The following PHF21A variants were observed in gnomAD, a reference collection of about 807,000 sequenced individuals.
PHF21A encodes BHC80a.
PHF21A carries 11 observed loss-of-function variants against 82.5 expected under a neutral mutation model. That is an observed-to-expected ratio of 0.13 (90% CI 0.08 to 0.22). The LOEUF is 0.22. Ranked by LOEUF, PHF21A falls within the 10% of genes least tolerant of loss-of-function variation. PHF21A has a pLI of 1.00. For synonymous variants in PHF21A, 297 were observed against 302.8 expected, an observed-to-expected ratio of 0.98 and a Z score of 0.20; for missense variants, 579 against 837.8, an observed-to-expected ratio of 0.69 and a Z score of 3.81.
chr11:46,003,182 T>C lies in PHF21A; in HGVS notation c.154-23216A>G, dbSNP rs111402985. On this transcript the variant is annotated intron_variant, in intron 6 of 18. Transcript: ENST00000676320. ...TTTAAAGCTCAGATTATTTCTTGCT[T>C]TGAAAAGAAAATCTGTATATGAGAG... is the stretch of plus-strand genomic sequence containing the variant. Among the ~76,000 whole-genome samples, 62 of 152,074 alleles carry C rather than the reference T, an allele frequency of 4.1e-4. 1 individual carries two copies. The highest frequency in any genetic ancestry group is 5.9e-5 in the Non-Finnish European group (4 of 68,006).
chr11:46,056,919 T>C (rs1287712806), intron 6 of PHF21A, among the ~76,000 whole-genome samples: 1 of 152,132 alleles, frequency 6.6e-6, no homozygotes, highest in Non-Finnish European at 1.5e-5. Flanking sequence ...AGGTACTTTT[T>C]GCTTATCTAT....
intron 13 of PHF21A, 30 bp from the exon 14 acceptor site, chr11:45,948,976 G>C: frequency 1.3e-6 from 2 of 1,571,070 alleles, no homozygotes; most frequent in Non-Finnish European, 1.8e-6. Flanking sequence ...AAAGGTGACT[G>C]TTGAGTAGTG....
chr11:46,039,892 T>G (rs1320982261), intron 6 of PHF21A, among the ~76,000 whole-genome samples: 1 of 152,248 alleles, frequency 6.6e-6, no homozygotes, highest in Non-Finnish European at 1.5e-5. Context: ...TCAATCTGTT[T>G]AGCTTTCTGC....
rs1025557479 is a variant in PHF21A at position 45,929,863 on chromosome 11, T to A, written c.*4105A>T. The A allele has an allele frequency of 6.6e-6, 1 of 152,298 alleles. No homozygotes were observed. The highest frequency in any genetic ancestry group is 1.5e-5 in the Non-Finnish European group (1 of 68,142). The allele number at this position is 152,298 out of a possible 1,614,324, so 9.4% of individuals were successfully genotyped here. On this transcript the variant is annotated 3_prime_UTR_variant, in exon 19 of 19. Transcript: ENST00000676320. ...ACTCCTGTCTTGGAGAGGAGCTGAC[T>A]CAGAGGACAGTCTAAGTCAGGGTGA...
chr11:45,977,193 G>A (rs975943218), intron 7 of PHF21A, among the ~76,000 whole-genome samples: 1 of 147,972 alleles, frequency 6.8e-6, no homozygotes, highest in Non-Finnish European at 1.5e-5. Context: ...AGCATGGAGT[G>A]CAGTACGATC....
Position 45,938,279 on chromosome 11 carries a change from T to C in PHF21A, c.1486A>G (p.Arg496Gly). The part of the protein sequence containing the change: ...DIHEDFCSVC[R>G]KSGQLLMCDT... The stretch of plus-strand genomic sequence containing the variant: ...CACATCAGTAACTGGCCACTTTTTC[T>C]GCAAACGCTGCAAAAATCCTCATGA... The change falls in exon 16 of 19, where the codon AGA (arginine) becomes GGA (glycine). Residue 496 changes from arginine to glycine, a missense_variant. Physicochemically the swap from Arg to Gly is moderately radical, Grantham distance 125. Transcript: ENST00000676320. 1.9e-6 allele frequency: 3 copies of C among 1,611,492 alleles called. No homozygotes were observed. Among genetic ancestry groups the C allele is most frequent in the Non-Finnish European group, 1.7e-6 (2 of 1,178,934 alleles).
chr11:46,101,946 C>T (rs11038765), intron 1 of PHF21A, among the ~76,000 whole-genome samples: 32,204 of 151,630 alleles, frequency 0.21, 3,826 homozygotes, highest in Non-Finnish European at 0.27. Flanking sequence ...CAACCTCTGA[C>T]TCCTGTGTTC....
At chr11:46,038,647 GA>G (rs1281530196) in intron 6 of PHF21A, among the ~76,000 whole-genome samples, 1 of 152,176 alleles carries the variant, frequency 6.6e-6, no homozygotes, top group Non-Finnish European at 1.5e-5. Context: ...CATATCTGGT[GA>G]GAGCTTTTTT....
chr11:46,036,965 C>A (rs1303714285), intron 6 of PHF21A, among the ~76,000 whole-genome samples: 1 of 152,192 alleles, frequency 6.6e-6, no homozygotes, highest in Non-Finnish European at 1.5e-5. Flanking sequence ...CTCACCTCAG[C>A]TTCCCAAAGT....
chr11:46,073,327 C>CAA (rs748320509), intron 6 of PHF21A, among the ~76,000 whole-genome samples: 6 of 84,174 alleles, frequency 7.1e-5, no homozygotes, highest in Non-Finnish European at 1.3e-4. Context: ...GACCCCGTCT[C>CAA]AAAAAAAAAA....
At chr11:46,106,747 TA>T (rs1449562605) in intron 1 of PHF21A, among the ~76,000 whole-genome samples, 1 of 152,212 alleles carries the variant, frequency 6.6e-6, no homozygotes, top group Non-Finnish European at 1.5e-5. Flanking sequence ...CTGCGTTCTA[TA>T]AACTGCCTAA....
intron 6 of PHF21A, chr11:46,026,710 T>C (rs1419249471): frequency 6.6e-6 from 1 of 152,116 alleles, no homozygotes; most frequent in Non-Finnish European, 1.5e-5. Context: ...AAATCCGTAA[T>C]TAAAAAACCT....
At chr11:46,115,690 A>G (rs941492161) in intron 1 of PHF21A, among the ~76,000 whole-genome samples, 1 of 151,742 alleles carries the variant, frequency 6.6e-6, no homozygotes, top group Non-Finnish European at 1.5e-5. Context: ...AAATTCAAAC[A>G]TGTTTCAAGA....
chr11:45,991,735 T>C (rs2094709384), intron 6 of PHF21A, among the ~76,000 whole-genome samples: 1 of 152,236 alleles, frequency 6.6e-6, no homozygotes, highest in South Asian at 2.1e-4. Context: ...TGGTCTCAGC[T>C]TCTGCACTCA....
intron 1 of PHF21A, among the ~76,000 whole-genome samples, chr11:46,097,807 A>G (rs940566395): frequency 6.6e-6 from 1 of 152,134 alleles, no homozygotes. Flanking sequence ...TCTGACCTAT[A>G]TGACATCTCC....
chr11:45,981,951 T>C (rs542280455), intron 6 of PHF21A, among the ~76,000 whole-genome samples: 34 of 142,536 alleles, frequency 2.4e-4, no homozygotes, highest in Non-Finnish European at 4.8e-4. Context: ...TTTTTTTTTT[T>C]TTTTTTTTTT....
chr11:45,956,185 C>T (rs188916155), intron 10 of PHF21A, among the ~76,000 whole-genome samples: 1 of 152,102 alleles, frequency 6.6e-6, no homozygotes, highest in African/African-American at 2.4e-5. Context: ...TCCCTTCAGG[C>T]TGAAATGAAA....
intron 6 of PHF21A, among the ~76,000 whole-genome samples, chr11:46,044,751 G>C (rs2096228219): frequency 6.6e-6 from 1 of 152,086 alleles, no homozygotes; most frequent in African/African-American, 2.4e-5. Context: ...TTAACTATAT[G>C]CCTGACTTCC....
At chr11:46,019,291 A>G (rs1033479138) in intron 6 of PHF21A, among the ~76,000 whole-genome samples, 13 of 152,212 alleles carry the variant, frequency 8.5e-5, no homozygotes, top group Admixed American at 3.3e-4. Flanking sequence ...CTGAGTTCCA[A>G]ATAAAGTCAC....
Sources: allele counts gnomAD v4.1 joint callset (sites outside exome capture counted in the v4.1 genomes callset), GRCh38; gene constraint gnomAD v4.1.1; transcripts MANE v1.5; gene names NCBI Gene and HGNC (gene_info 2026-07-23, HGNC 2026-07-21).